The following CNGA4 variants were observed in gnomAD, a reference collection of about 807,000 sequenced individuals.
The protein encoded by CNGA4 is cyclic nucleotide gated channel subunit alpha 4, also known as cyclic nucleotide-gated channel alpha-4.
CNGA4 carries 32 observed loss-of-function variants against 45.6 expected under a neutral mutation model. The ratio of observed to expected loss-of-function variants is 0.70; its 90% confidence interval spans 0.53 to 0.94. The LOEUF (loss-of-function observed/expected upper bound fraction) is 0.94, where lower values mean the gene tolerates loss of function less well. Among genes scored for constraint, CNGA4 ranks in the 40% least tolerant of loss-of-function variants. The pLI is 0.00. For synonymous variants in CNGA4, 293 were observed against 304.6 expected, an observed-to-expected ratio of 0.96 and a Z score of 0.40; for missense variants, 726 against 755.1, an observed-to-expected ratio of 0.96 and a Z score of 0.45.
At chr11:6,239,511 G>T (rs750569738) in intron 2 of CNGA4, 26 bp downstream of exon 2, 1 of 1,610,564 alleles carries the variant, frequency 6.2e-7, no homozygotes, top group South Asian at 1.1e-5. Context: ...TAAGGGAGGG[G>T]CTGGAAGCCA....
rs527881409 is a variant in CNGA4, at chr11:6,242,656, C to T, written c.1267+876C>T. Reference sequence around the variant, plus strand: ...CTGTTTGACTTTGGACAAGTCATTTCCCTATTTAGGCCTCAGTTTAATCAC... The same window carrying T: ...CTGTTTGACTTTGGACAAGTCATTTTCCTATTTAGGCCTCAGTTTAATCAC... On this transcript the variant is annotated intron_variant, in intron 5 of 5. Coordinates refer to ENST00000379936, the MANE Select transcript of CNGA4 (RefSeq NM_001037329.4). Among the ~76,000 whole-genome samples, 190 of 152,210 alleles carry T rather than the reference C, an allele frequency of 1.2e-3. 1 individual carries two copies. The highest frequency in any genetic ancestry group is 4.5e-3 in the African/African-American group (187 of 41,524).
chr11:6,237,849 A>G (rs1242797189), upstream of CNGA4, among the ~76,000 whole-genome samples: 1 of 152,202 alleles, frequency 6.6e-6, no homozygotes, highest in African/African-American at 2.4e-5. Context: ...AACTCTTCAC[A>G]GGTTCTCTAT....
upstream of CNGA4, chr11:6,238,988 C>T (rs1847870827): frequency 7.2e-7 from 1 of 1,391,794 alleles, no homozygotes; most frequent in South Asian, 1.6e-5. Context: ...AAGCCCAGGC[C>T]CTGGGAGACA....
rs939401497 is a variant in CNGA4 at position 6,241,287 on chromosome 11, A to T, written c.918-144A>T. 60 of 667,150 alleles carry T rather than the reference A, an allele frequency of 9.0e-5. No individual in the cohort carries two copies. The South Asian group carries it at 1.1e-3, about 12-fold the overall frequency. The allele number at this position is 667,150 out of a possible 1,614,324, so 41.3% of individuals were successfully genotyped here. On this transcript the variant is annotated intron_variant, in intron 4 of 5. Transcript: ENST00000379936. ...GTGTCTATGCCCTGGAAAACAGGTA[A>T]TCCAACTGTCAGGTACTCCCATGAC...
chr11:6,235,938 CAAAAAAAAAAAAA>C (rs1847829637), upstream of CNGA4, among the ~76,000 whole-genome samples: 2 of 105,606 alleles, frequency 1.9e-5, no homozygotes, highest in African/African-American at 3.5e-5. Context: ...GACTCCGTCT[CAAAAAAAAAAAAA>C]GAAAAGAAAA....
At chr11:6,242,085 A>G (rs1441595279) in intron 5 of CNGA4, 1 of 441,864 alleles carries the variant, frequency 2.3e-6, no homozygotes, top group Non-Finnish European at 4.0e-6. Context: ...TAATAATAAT[A>G]ATAGCTAATA....
intron 3 of CNGA4, 56 bp downstream of exon 3, chr11:6,239,846 C>T: frequency 6.5e-7 from 1 of 1,539,888 alleles, no homozygotes. Flanking sequence ...TAAAGATAGC[C>T]ACTTAAGAAG....
Position 6,244,128 on chromosome 11 carries a change from G to A in CNGA4, c.1447G>A (p.Glu483Lys), listed in dbSNP as rs1331856247. The change falls in exon 6 of 6, where the codon GAG (glutamate) becomes AAG (lysine). Residue 483 changes from glutamate to lysine, a missense_variant. Coordinates refer to ENST00000379936, the MANE Select transcript of CNGA4 (RefSeq NM_001037329.4). This position sits in a 1 kb window ranked among gnomAD's most constrained non-coding sequence, Gnocchi z 4.5. ...AATGAACAAGTTGGACGTGAATGCT[G>A]AGGCAGCTGAGATCGCCCTGCAGGA... ...LKMNKLDVNA[E>K]AAEIALQEAT... The A allele has an allele frequency of 1.2e-6, 2 of 1,614,242 alleles. No homozygotes were observed. The highest frequency in any genetic ancestry group is 2.2e-5 in the South Asian group (2 of 91,088).
upstream of CNGA4, among the ~76,000 whole-genome samples, chr11:6,237,172 A>C (rs1170869956): frequency 4.6e-5 from 7 of 152,234 alleles, no homozygotes; most frequent in Non-Finnish European, 2.9e-5. Context: ...TAGAAGTCAC[A>C]CAACATCACT....
intron 5 of CNGA4, chr11:6,242,104 C>T (rs1364115574): frequency 4.7e-6 from 2 of 425,348 alleles, no homozygotes; most frequent in East Asian, 6.8e-5. Context: ...TATTTATTAC[C>T]TGCTTACTGC....
rs1847915895 is a variant in CNGA4 at position 6,241,415 on chromosome 11, C to T, written c.918-16C>T. 6.4e-6 allele frequency: 10 copies of T among 1,552,334 alleles called. No homozygotes were observed. The South Asian group carries it at 1.1e-4, about 17-fold the overall frequency. On this transcript the variant is annotated splice_polypyrimidine_tract_variant and intron_variant, in intron 4 of 5. Coordinates refer to ENST00000379936, the MANE Select transcript of CNGA4 (RefSeq NM_001037329.4). Reference sequence around the variant, plus strand: ...ATAAAGGGCTGGTAAGGAAATGGCACTGTCCTTACTCTCAGGTATCAGCAC... The same window carrying T: ...ATAAAGGGCTGGTAAGGAAATGGCATTGTCCTTACTCTCAGGTATCAGCAC...
rs768421372 is a variant in CNGA4, at chr11:6,243,977, C to G, written c.1296C>G (p.Ala432=). ...ACATGTCTGGGAACCGCCGCACAGC[C>G]AACATCAAGAGCCTAGGTTATTCAG... ...KGNMSGNRRT[A]NIKSLGYSDL... is the part of the protein sequence containing the mutation. Residue 432 remains alanine (A), a synonymous_variant, in exon 6 of 6, where the codon GCC becomes GCG. Transcript: ENST00000379936. 1.2e-6 allele frequency: 2 copies of G among 1,613,900 alleles called. No individual in the cohort carries two copies. Among genetic ancestry groups the G allele is most frequent in the Non-Finnish European group, 1.7e-6 (2 of 1,179,984 alleles).
At chr11:6,238,947 T>A (rs549691395), upstream of CNGA4, 1 of 974,924 alleles carries the variant, frequency 1.0e-6, no homozygotes, top group South Asian at 2.3e-5. Flanking sequence ...TCTCCAGGGA[T>A]CTCATTAGAG....
chr11:6,240,907 G>C lies in CNGA4; in HGVS notation c.917+196G>C, dbSNP rs1359214475. On this transcript the variant is annotated intron_variant, in intron 4 of 5. Coordinates refer to ENST00000379936, the MANE Select transcript of CNGA4 (RefSeq NM_001037329.4). The surrounding 1 kb of genome is among the most constrained non-coding windows in gnomAD (Gnocchi z 4.9). ...GGAATCAGGACTTGGGGGAGGGGTA[G>C]GTAAGAGACTGATAGGGAGAGGAGC... 6.6e-6 allele frequency among the ~76,000 whole-genome samples: 1 copy of C among 152,098 alleles called. No homozygotes were observed. Among genetic ancestry groups the C allele is most frequent in the Non-Finnish European group, 1.5e-5 (1 of 68,028 alleles).
intron 3 of CNGA4, 50 bp downstream of exon 3, chr11:6,239,840 G>T: frequency 6.4e-7 from 1 of 1,556,086 alleles, no homozygotes; most frequent in South Asian, 1.1e-5. Flanking sequence ...CCTTCCTAAA[G>T]ATAGCCACTT....
chr11:6,235,506 G>A, upstream of CNGA4: 1 of 985,436 alleles, frequency 1.0e-6, no homozygotes, highest in Non-Finnish European at 1.2e-6. Context: ...ATGTATAGAG[G>A]ATGAGAGGAA....
chr11:6,241,270 G>C (rs559987035), intron 4 of CNGA4, among the ~76,000 whole-genome samples, 161 bp from the exon 5 acceptor site: 1 of 152,286 alleles, frequency 6.6e-6, no homozygotes, highest in South Asian at 2.1e-4. Flanking sequence ...AGGTGTCTAT[G>C]CCCTGGAAAA....
chr11:6,241,357 C>A, intron 4 of CNGA4, 74 bp from the exon 5 acceptor site: 1 of 1,216,316 alleles, frequency 8.2e-7, no homozygotes, highest in Non-Finnish European at 1.2e-6. Context: ...TGGAGCTGAG[C>A]TGAGCCCTGA....
upstream of CNGA4, chr11:6,234,797 C>G (rs1455651380): frequency 6.5e-6 from 1 of 152,794 alleles, no homozygotes; most frequent in Non-Finnish European, 1.5e-5. Context: ...AACGCAAGGG[C>G]GGGGTCGCCG....
Sources: allele counts gnomAD v4.1 joint callset (sites outside exome capture counted in the v4.1 genomes callset), GRCh38; gene constraint gnomAD v4.1.1; non-coding constraint Gnocchi (gnomAD v3.1); transcripts MANE v1.5; gene names NCBI Gene and HGNC (gene_info 2026-07-23, HGNC 2026-07-21).